Variants in CLIP4 observed in about 807,000 individuals in gnomAD.
CLIP4 encodes CAP-Gly domain containing linker protein family member 4.
In CLIP4, 47 loss-of-function variants were observed where a neutral mutation model predicts 73.1. That is an observed-to-expected ratio of 0.64 (90% confidence interval 0.51 to 0.82). CLIP4 has a LOEUF of 0.82. Among genes scored for constraint, CLIP4 ranks in the 40% least tolerant of loss-of-function variants. CLIP4 has a pLI of 0.00. For missense variants in CLIP4, 874 were observed against 852.9 expected (o/e 1.02, Z -0.31); for synonymous variants, 306 against 295.4 (o/e 1.04, Z -0.37).
chr2:29,161,667 C>T (rs577551657), intron 12 of CLIP4, among the ~76,000 whole-genome samples: 74 of 152,232 alleles, frequency 4.9e-4, no homozygotes, highest in African/African-American at 1.5e-3. Context: ...AGGGTGAGAG[C>T]GAGCGAGCCA....
chr2:29,107,482 C>G (rs868824931), intron 1 of CLIP4, among the ~76,000 whole-genome samples: 1 of 146,362 alleles, frequency 6.8e-6, no homozygotes, highest in Admixed American at 7.1e-5. Flanking sequence ...TGCCATTCTC[C>G]TGCCTCAGCC....
chr2:29,143,712 G>T lies in CLIP4; in HGVS notation c.652G>T (p.Asp218Tyr). 6.2e-7 allele frequency: 1 copy of T among 1,602,326 alleles called. No individual in the cohort carries two copies. The highest frequency in any genetic ancestry group is 8.6e-7 in the Non-Finnish European group (1 of 1,169,460). The change falls in exon 7 of 16, where the codon GAC (aspartate) becomes TAC (tyrosine). Residue 218 changes from aspartate (D) to tyrosine (Y), a missense_variant. Coordinates refer to ENST00000320081, the MANE Select transcript of CLIP4 (RefSeq NM_024692.6). ...EQGANPAFRN[D>Y]KGQIPADVVP... The stretch of plus-strand genomic sequence containing the variant: ...TTTCTCTTATCTTTATTTGTAGAAT[G>T]ACAAAGGACAGATCCCTGCTGATGT...
chr2:29,149,669 G>A (rs1361563271), intron 8 of CLIP4, among the ~76,000 whole-genome samples: 1 of 150,656 alleles, frequency 6.6e-6, no homozygotes, highest in Non-Finnish European at 1.5e-5. Context: ...CCGCCCATAT[G>A]CTATGCATCC....
At chr2:29,130,363 A>G (rs1434421539) in intron 2 of CLIP4, among the ~76,000 whole-genome samples, 1 of 152,232 alleles carries the variant, frequency 6.6e-6, no homozygotes, top group Non-Finnish European at 1.5e-5. Flanking sequence ...CACGAAGGTT[A>G]TAGTAAGGTT....
At chr2:29,102,009 T>C (rs999007049) in intron 1 of CLIP4, among the ~76,000 whole-genome samples, 1 of 152,072 alleles carries the variant, frequency 6.6e-6, no homozygotes, top group Admixed American at 6.5e-5. Flanking sequence ...TAAATAGCAA[T>C]ATGGACCCTA....
At chr2:29,176,189 C>T (rs1400503221) in intron 15 of CLIP4, among the ~76,000 whole-genome samples, 1 of 152,162 alleles carries the variant, frequency 6.6e-6, no homozygotes, top group East Asian at 1.9e-4. Flanking sequence ...GACATTTGTC[C>T]CTGCTCTTAG....
chr2:29,145,516 AGATAGTTATATTTATTTACACT>A, intron 8 of CLIP4, 149 bp downstream of exon 8: 1 of 615,902 alleles, frequency 1.6e-6, no homozygotes, highest in South Asian at 2.8e-5. Flanking sequence ...TAAAGATAGG[AGATAGTTATATTTATTTACACT>A]GACGAGAGGC....
At chr2:29,131,439 GT>G (rs1438142161) in intron 3 of CLIP4, 42 bp downstream of exon 3, 10 of 1,553,112 alleles carry the variant, frequency 6.4e-6, no homozygotes, top group Non-Finnish European at 8.7e-6. Context: ...TGTTAGGATT[GT>G]TAATGGTATA....
In CLIP4 at chr2:29,130,754, C is replaced by T. The variant is rs373999557; in HGVS notation, c.134-504C>T. The T allele has an allele frequency of 2.5e-5, 31 of 1,263,768 alleles. No homozygotes were observed. The East Asian group carries it at 5.1e-4, about 21-fold the overall frequency. The allele number at this position is 1,263,768 out of a possible 1,614,324, so 78.3% of individuals were successfully genotyped here. On this transcript the variant is annotated intron_variant, in intron 2 of 15. Transcript: ENST00000320081. ...TGGTGCCTCTCATCTTTTAGTTATGCTGACTCTAGAAGTAAGAACTATGTG... is the reference window on the plus strand; with the variant it reads ...TGGTGCCTCTCATCTTTTAGTTATGTTGACTCTAGAAGTAAGAACTATGTG...
At chr2:29,146,549 T>C (rs1030907954) in intron 8 of CLIP4, among the ~76,000 whole-genome samples, 2 of 152,226 alleles carry the variant, frequency 1.3e-5, no homozygotes, top group Non-Finnish European at 2.9e-5. Context: ...TGATTTCAAT[T>C]TGATTTTGTA....
Position 29,181,818 on chromosome 2 carries a change from T to C in CLIP4, c.2043T>C (p.His681=), listed in dbSNP as rs1668663748. 2 of 1,614,198 alleles carry C rather than the reference T, an allele frequency of 1.2e-6. No homozygotes were observed. ...GCTATTTCACCTGTAAGCCGAACCA[T>C]GGAGTCTTAGTTCGACCGAGCAGAG... The part of the protein sequence containing the change: ...DKRYFTCKPN[H]GVLVRPSRVT... Residue 681 remains histidine, a synonymous_variant, in exon 16 of 16, where the codon CAT becomes CAC. Coordinates refer to ENST00000320081, the MANE Select transcript of CLIP4 (RefSeq NM_024692.6).
chr2:29,174,721 T>A (rs1299476001), intron 15 of CLIP4: 2 of 1,052,626 alleles, frequency 1.9e-6, no homozygotes, highest in East Asian at 6.6e-5. Flanking sequence ...TTACATATTG[T>A]CTTTTCATTA....
chr2:29,156,874 A>AAT (rs201705609), intron 10 of CLIP4, among the ~76,000 whole-genome samples: 1 of 31,508 alleles, frequency 3.2e-5, no homozygotes, highest in Admixed American at 4.7e-4. Flanking sequence ...TTTTTGTATA[A>AAT]AAGGGGACTC....
intron 2 of CLIP4, 99 bp downstream of exon 2, chr2:29,121,620 G>T: frequency 2.2e-6 from 3 of 1,359,754 alleles, no homozygotes; most frequent in South Asian, 2.8e-5. Context: ...CCATTTTTAT[G>T]GTTTTCATAA....
chr2:29,164,083 A>C, intron 13 of CLIP4, 129 bp downstream of exon 13: 1 of 783,796 alleles, frequency 1.3e-6, no homozygotes, highest in African/African-American at 1.8e-5. Context: ...GGGTTAACCA[A>C]CCACCTTCTT....
In CLIP4 at chr2:29,168,444, G is replaced by T. The variant is rs371562437; in HGVS notation, c.1723+904G>T. On this transcript the variant is annotated intron_variant, in intron 14 of 15. Coordinates refer to ENST00000320081, the MANE Select transcript of CLIP4 (RefSeq NM_024692.6). ...TTAATATTTTTATTTATTGTTTTTG[G>T]TGTCTTTAGACTGGCAGAGCTCCTT... Among the ~76,000 whole-genome samples the T allele has an allele frequency of 9.8e-4, 147 of 149,648 alleles. No individual in the cohort carries two copies. In the South Asian group the frequency reaches 0.03, roughly 31 times the overall value.
chr2:29,115,984 C>G lies in CLIP4; in HGVS notation c.-16+319C>G, dbSNP rs1663785889. Among the ~76,000 whole-genome samples the G allele has an allele frequency of 6.6e-6, 1 of 152,176 alleles. No individual in the cohort carries two copies. The highest frequency in any genetic ancestry group is 6.5e-5 in the Admixed American group (1 of 15,286). Reference sequence around the variant, plus strand: ...CCGGCGGCGGAGCTGGGCTCTGGGCCACGACCGCCAGCCGCGGCTGCCCCG... The same window carrying G: ...CCGGCGGCGGAGCTGGGCTCTGGGCGACGACCGCCAGCCGCGGCTGCCCCG... On this transcript the variant is annotated intron_variant, in intron 1 of 15. Coordinates refer to ENST00000320081, the MANE Select transcript of CLIP4 (RefSeq NM_024692.6). This position sits in a 1 kb window ranked among gnomAD's most constrained non-coding sequence, Gnocchi z 5.1.
chr2:29,158,680 G>A lies in CLIP4; in HGVS notation c.1399+1333G>A, dbSNP rs557710049. On this transcript the variant is annotated intron_variant, in intron 11 of 15. Coordinates refer to ENST00000320081, the MANE Select transcript of CLIP4 (RefSeq NM_024692.6). ...AGAACGAACAATAATGGAAAGTTAG[G>A]TTAAAAAATTAGAGAAAGAAGAGTG... Among the ~76,000 whole-genome samples the A allele has an allele frequency of 4.6e-5, 7 of 152,334 alleles. 2 individuals are homozygous for A. The South Asian group carries it at 1.5e-3, about 32-fold the overall frequency.
intron 1 of CLIP4, among the ~76,000 whole-genome samples, chr2:29,098,251 T>C (rs1041751380): frequency 6.6e-6 from 1 of 152,244 alleles, no homozygotes; most frequent in African/African-American, 2.4e-5. Context: ...GCTACATTAT[T>C]ATGAACTAAA....
Sources: gnomAD v4.1 joint callset for allele counts (sites outside exome capture counted in the v4.1 genomes callset) on GRCh38, gnomAD v4.1.1 for gene constraint, Gnocchi (gnomAD v3.1) non-coding constraint, MANE v1.5 for transcripts, NCBI Gene and HGNC (gene_info 2026-07-23, HGNC 2026-07-21) for gene names.